The following NIPBL variants were observed in gnomAD, a reference collection of about 807,000 sequenced individuals.
NIPBL encodes the protein nipped-B-like protein.
NIPBL carries 19 observed loss-of-function variants against 321.8 expected under a neutral mutation model. The observed-to-expected ratio is 0.06, with a 90% CI of 0.04 to 0.09. The LOEUF (loss-of-function observed/expected upper bound fraction) is 0.09, where lower values mean the gene tolerates loss of function less well. NIPBL is among the 10% of genes least tolerant of loss of function. NIPBL has a pLI of 1.00. For missense variants in NIPBL, 2,210 were observed against 3,327.0 expected (o/e 0.66, Z 8.26); for synonymous variants, 1,106 against 1,114.1 (o/e 0.99, Z 0.14).
At position 37,046,014 on chromosome 5, in the gene NIPBL, A is replaced by G. The variant is rs1752944784; in HGVS notation, c.6499-95A>G. 1.3e-5 allele frequency: 9 copies of G among 714,520 alleles called. No individual in the cohort carries two copies. The South Asian group carries it at 1.3e-4, about 10-fold the overall frequency. 44.3% of individuals were successfully genotyped at this position (714,520 alleles called of 1,614,324 possible). A position where few individuals can be genotyped will look rare whatever the true frequency, so the allele number is the denominator to read the frequency against. On this transcript the variant is annotated intron_variant, in intron 37 of 46. Transcript: ENST00000282516. ...TTATTTTTTTAATAAAGTTCACACA[A>G]ATTCTCATTGTTTTAAGGTATTTTT... is the stretch of plus-strand genomic sequence containing the variant.
chr5:36,882,307 T>C (rs1208115362), intron 1 of NIPBL, among the ~76,000 whole-genome samples: 1 of 151,976 alleles, frequency 6.6e-6, no homozygotes, highest in African/African-American at 2.4e-5. Context: ...TTTATGTTTG[T>C]AATATGTAGT....
At chr5:37,058,204 C>T (rs1195119752) in intron 43 of NIPBL, among the ~76,000 whole-genome samples, 1 of 152,204 alleles carries the variant, frequency 6.6e-6, no homozygotes, top group African/African-American at 2.4e-5. Context: ...ACAAAATCCA[C>T]AGATGTTAAT....
At chr5:37,028,930 C>G (rs1482327320) in intron 32 of NIPBL, among the ~76,000 whole-genome samples, 1 of 152,156 alleles carries the variant, frequency 6.6e-6, no homozygotes, top group African/African-American at 2.4e-5. Flanking sequence ...TGTAGAATCT[C>G]CCACATTCTG....
At chr5:36,951,918 A>T (rs2149594551) in intron 1 of NIPBL, among the ~76,000 whole-genome samples, 1 of 152,080 alleles carries the variant, frequency 6.6e-6, no homozygotes, top group South Asian at 2.1e-4. Context: ...AGAGGAAATG[A>T]TTACCACAAA....
chr5:37,045,390 A>T, intron 36 of NIPBL, 53 bp from the exon 37 acceptor site: 1 of 1,353,708 alleles, frequency 7.4e-7, no homozygotes, highest in African/African-American at 1.5e-5. Context: ...AATTACTTGA[A>T]CTTAGTAATT....
chr5:37,057,372 A>G, intron 43 of NIPBL, 40 bp downstream of exon 43: 1 of 1,577,620 alleles, frequency 6.3e-7, no homozygotes, highest in Non-Finnish European at 8.7e-7. Context: ...CATCTGTCAA[A>G]GTGCAGGCAT....
rs58081432 is a variant in NIPBL at position 37,033,730 on chromosome 5, A to ATTTTTTTTT, written c.5863-2637_5863-2629dup. On this transcript the variant is annotated intron_variant, in intron 32 of 46. Coordinates refer to ENST00000282516, the MANE Select transcript of NIPBL (RefSeq NM_133433.4). ...CATATATATATATATATATATATAT[A>ATTTTTTTTT]TTTTTTTTTTTTTTTTTTTTAATGG... 1.8e-3 allele frequency among the ~76,000 whole-genome samples: 39 copies of ATTTTTTTTT among 21,502 alleles called. 2 individuals carry two copies. The highest frequency in any genetic ancestry group is 6.5e-3 in the African/African-American group (32 of 4,902). The allele number at this position is 21,502 out of a possible 152,430, so 14.1% of individuals were successfully genotyped here. A position where few individuals can be genotyped will look rare whatever the true frequency, so the allele number is the denominator to read the frequency against.
At chr5:36,934,685 A>C (rs1031073258) in intron 1 of NIPBL, among the ~76,000 whole-genome samples, 1 of 152,196 alleles carries the variant, frequency 6.6e-6, no homozygotes. Flanking sequence ...ACATTCATAC[A>C]TTGGTACTGT....
At chr5:37,000,795 T>G in intron 12 of NIPBL, 22 bp from the exon 13 acceptor site, 1 of 1,575,516 alleles carries the variant, frequency 6.3e-7, no homozygotes, top group Admixed American at 1.7e-5. Flanking sequence ...TGCATTTCAG[T>G]ACTTCTTTTT....
chr5:36,920,768 T>G (rs1439731617), intron 1 of NIPBL, among the ~76,000 whole-genome samples: 6 of 152,118 alleles, frequency 3.9e-5, no homozygotes, highest in African/African-American at 7.2e-5. Context: ...TTATATACTT[T>G]ATGTGGCATC....
chr5:37,028,429 C>T (rs771936723), intron 32 of NIPBL, among the ~76,000 whole-genome samples: 3 of 151,374 alleles, frequency 2.0e-5, no homozygotes, highest in Admixed American at 6.6e-5. Context: ...CAACCTCCGC[C>T]TCCTGGGTTC....
intron 32 of NIPBL, 61 bp downstream of exon 32, chr5:37,027,473 TG>T: frequency 3.1e-6 from 4 of 1,297,938 alleles, no homozygotes; most frequent in Non-Finnish European, 4.4e-6. Context: ...TTGTTGTTGG[TG>T]TTTTTTTTTT....
At chr5:36,902,971 A>T (rs1189036189) in intron 1 of NIPBL, among the ~76,000 whole-genome samples, 2 of 152,126 alleles carry the variant, frequency 1.3e-5, no homozygotes, top group Non-Finnish European at 2.9e-5. Flanking sequence ...TTCTCATTGT[A>T]GAGATCTTTC....
intron 8 of NIPBL, among the ~76,000 whole-genome samples, chr5:36,974,125 C>T (rs182884318): frequency 1.3e-5 from 2 of 152,112 alleles, no homozygotes; most frequent in East Asian, 3.9e-4. Context: ...ATTTAGATTG[C>T]CGGGGAAAGA....
At chr5:37,052,337 G>A in intron 41 of NIPBL, 29 bp from the exon 42 acceptor site, 1 of 1,582,318 alleles carries the variant, frequency 6.3e-7, no homozygotes, top group Non-Finnish European at 8.7e-7. Context: ...TAATTTCCCT[G>A]ACAAAAATGA....
chr5:37,024,970 G>A (rs879435937), intron 30 of NIPBL, among the ~76,000 whole-genome samples: 2 of 152,150 alleles, frequency 1.3e-5, no homozygotes, highest in Non-Finnish European at 2.9e-5. Context: ...AGTAGCTCAT[G>A]CCTATAATCC....
intron 5 of NIPBL, 102 bp downstream of exon 5, chr5:36,961,685 T>C (rs1741645621): frequency 2.4e-6 from 2 of 848,680 alleles, no homozygotes; most frequent in Non-Finnish European, 4.0e-6. Flanking sequence ...TATTTAGAGT[T>C]TAAATAGTTG....
At chr5:36,960,593 A>T (rs923806480) in intron 4 of NIPBL, among the ~76,000 whole-genome samples, 3 of 152,164 alleles carry the variant, frequency 2.0e-5, no homozygotes, top group African/African-American at 7.2e-5. Flanking sequence ...TAGCAAATCA[A>T]CTTCTGTTTG....
At chr5:36,913,092 TTTGA>T (rs1192062206) in intron 1 of NIPBL, among the ~76,000 whole-genome samples, 5 of 152,300 alleles carry the variant, frequency 3.3e-5, no homozygotes, top group South Asian at 2.1e-4. Context: ...TGCAACCTGA[TTTGA>T]TTGATTGATT....
Sources: gnomAD v4.1 joint callset for allele counts (sites outside exome capture counted in the v4.1 genomes callset) on GRCh38, gnomAD v4.1.1 for gene constraint, MANE v1.5 for transcripts, NCBI Gene and HGNC (gene_info 2026-07-23, HGNC 2026-07-21) for gene names.